The following ADAMTS3 variants were observed in gnomAD, a reference collection of about 807,000 sequenced individuals.
ADAMTS3 encodes the protein A disintegrin and metalloproteinase with thrombospondin motifs 3.
In ADAMTS3, 73 loss-of-function variants were observed where a neutral mutation model predicts 129.0. That is an observed-to-expected ratio of 0.57 (90% CI 0.47 to 0.69). The LOEUF (loss-of-function observed/expected upper bound fraction) is 0.69. ADAMTS3 is among the 30% of genes least tolerant of loss of function. The probability of loss-of-function intolerance (pLI) is 0.00; values close to 1 mark genes in which losing one functional copy is unlikely to be tolerated. For synonymous variants in ADAMTS3, 477 were observed against 510.8 expected (o/e 0.93, Z 0.89); for missense variants, 1,457 against 1,514.5 (o/e 0.96, Z 0.63).
rs1434661217 is a variant in ADAMTS3, at chr4:72,506,601, G to A, written c.504+41877C>T. On this transcript the variant is annotated intron_variant, in intron 3 of 21. Transcript: ENST00000286657. Reference sequence around the variant, plus strand: ...TGCTGTTCTCAGTCCCACATCTAGGGAAATGCTTGCAGCTCTTTCTGGTAT... The same window carrying A: ...TGCTGTTCTCAGTCCCACATCTAGGAAAATGCTTGCAGCTCTTTCTGGTAT... Among the ~76,000 whole-genome samples, 4 of 152,292 alleles carry A rather than the reference G, an allele frequency of 2.6e-5. No individual in the cohort carries two copies. In the East Asian group the frequency reaches 5.8e-4, roughly 22 times the overall value.
chr4:72,373,330 C>T (rs145151308), intron 4 of ADAMTS3, among the ~76,000 whole-genome samples: 8 of 152,088 alleles, frequency 5.3e-5, no homozygotes, highest in Admixed American at 2.0e-4. Context: ...GAGACTGCCA[C>T]GCAGTGGGAA....
intron 5 of ADAMTS3, 139 bp from the exon 6 acceptor site, chr4:72,323,236 A>G (rs1456861555): frequency 3.0e-6 from 2 of 673,944 alleles, no homozygotes; most frequent in African/African-American, 3.6e-5. Flanking sequence ...GAACTCTGAA[A>G]GGTAGTCATT....
rs981387237 is a variant in ADAMTS3 at position 72,282,092 on chromosome 4, G to C, written c.*1044C>G. The C allele has an allele frequency of 6.6e-6, 1 of 152,128 alleles. No individual in the cohort carries two copies. Among genetic ancestry groups the C allele is most frequent in the Non-Finnish European group, 1.5e-5 (1 of 68,006 alleles). The allele number at this position is 152,128 out of a possible 1,614,324, so 9.4% of individuals were successfully genotyped here. A position where few individuals can be genotyped will look rare whatever the true frequency, so the allele number is the denominator to read the frequency against. On this transcript the variant is annotated 3_prime_UTR_variant, in exon 22 of 22. Coordinates refer to ENST00000286657, the MANE Select transcript of ADAMTS3 (RefSeq NM_014243.3). ...TATACTCAAATATCAATTCTAGACT[G>C]ATGATATTTTTCTCAGCTACCAACA...
intron 2 of ADAMTS3, among the ~76,000 whole-genome samples, chr4:72,563,667 G>A (rs1721957798): frequency 6.6e-6 from 1 of 152,136 alleles, no homozygotes. Context: ...TGATAACATT[G>A]AATAATTAAT....
At chr4:72,318,550 A>G (rs747446573) in intron 10 of ADAMTS3, 22 bp downstream of exon 10, 176 of 1,609,608 alleles carry the variant, frequency 1.1e-4, no homozygotes, top group Non-Finnish European at 1.4e-4. Context: ...TGCAAAATCT[A>G]CATCAACTGT....
At chr4:72,530,140 A>ATTATG (rs1560553675) in intron 3 of ADAMTS3, among the ~76,000 whole-genome samples, 1 of 69,180 alleles carries the variant, frequency 1.4e-5, no homozygotes, top group Non-Finnish European at 2.5e-5. Flanking sequence ...TATAATATAT[A>ATTATG]TTATATATTA....
chr4:72,517,333 G>A (rs1358021058), intron 3 of ADAMTS3, among the ~76,000 whole-genome samples: 1 of 152,152 alleles, frequency 6.6e-6, no homozygotes, highest in African/African-American at 2.4e-5. Context: ...TTTGGTATCA[G>A]GATGATGCTG....
chr4:72,364,653 C>G (rs72863704), intron 4 of ADAMTS3, among the ~76,000 whole-genome samples: 1 of 149,924 alleles, frequency 6.7e-6, no homozygotes, highest in African/African-American at 2.4e-5. Flanking sequence ...CATAAGAAAA[C>G]AAATGAAAAA....
Position 72,317,465 on chromosome 4 carries a change from C to T in ADAMTS3, c.1485+1107G>A, listed in dbSNP as rs544472248. 3.0e-5 allele frequency among the ~76,000 whole-genome samples: 4 copies of T among 132,964 alleles called. No individual in the cohort carries two copies. In the East Asian group the frequency reaches 6.7e-4, roughly 22 times the overall value. The allele number at this position is 132,964 out of a possible 152,430, so 87.2% of individuals were successfully genotyped here. A position where few individuals can be genotyped will look rare whatever the true frequency, so the allele number is the denominator to read the frequency against. On this transcript the variant is annotated intron_variant, in intron 10 of 21. Transcript: ENST00000286657. Reference sequence around the variant, plus strand: ...AAGCTTGCTCCAACATAGAAAAAGGCCTTCTTTTTTTTTTTTTTTTAATGA... The same window carrying T: ...AAGCTTGCTCCAACATAGAAAAAGGTCTTCTTTTTTTTTTTTTTTTAATGA...
At position 72,317,173 on chromosome 4, in the gene ADAMTS3, T is replaced by A. The variant is rs1295574997; in HGVS notation, c.1486-1202A>T. On this transcript the variant is annotated intron_variant, in intron 10 of 21. Coordinates refer to ENST00000286657, the MANE Select transcript of ADAMTS3 (RefSeq NM_014243.3). Reference sequence around the variant, plus strand: ...TGCTAATTACCTACATACACCCTTATGTGCATAGAAATTTTTTTATTAGTA... The same window carrying A: ...TGCTAATTACCTACATACACCCTTAAGTGCATAGAAATTTTTTTATTAGTA... Among the ~76,000 whole-genome samples, 6 of 152,338 alleles carry A rather than the reference T, an allele frequency of 3.9e-5. No homozygotes were observed. In the East Asian group the frequency reaches 1.2e-3, roughly 29 times the overall value.
chr4:72,312,500 G>T, intron 12 of ADAMTS3, 34 bp from the exon 13 acceptor site: 1 of 1,606,802 alleles, frequency 6.2e-7, no homozygotes, highest in South Asian at 1.1e-5. Context: ...AAGGCCTTTT[G>T]GCTTCTGTCT....
At chr4:72,361,301 T>C (rs1052343807) in intron 4 of ADAMTS3, among the ~76,000 whole-genome samples, 1 of 152,174 alleles carries the variant, frequency 6.6e-6, no homozygotes, top group Non-Finnish European at 1.5e-5. Context: ...AATGAGATAA[T>C]GTATTACAAA....
At chr4:72,350,045 A>G (rs1217968694) in intron 4 of ADAMTS3, among the ~76,000 whole-genome samples, 1 of 152,082 alleles carries the variant, frequency 6.6e-6, no homozygotes, top group Non-Finnish European at 1.5e-5. Context: ...TTATTAATGG[A>G]ATACTATAAT....
At chr4:72,397,648 G>A (rs926404406) in intron 4 of ADAMTS3, among the ~76,000 whole-genome samples, 1 of 152,094 alleles carries the variant, frequency 6.6e-6, no homozygotes, top group Non-Finnish European at 1.5e-5. Flanking sequence ...GAAAAGGGGA[G>A]AGGAAAACAG....
At chr4:72,529,894 A>AT (rs1326165537) in intron 3 of ADAMTS3, among the ~76,000 whole-genome samples, 1 of 67,332 alleles carries the variant, frequency 1.5e-5, no homozygotes, top group Non-Finnish European at 2.6e-5. Flanking sequence ...TATATTATAT[A>AT]TTATATATAA....
Position 72,438,373 on chromosome 4 carries a change from A to T in ADAMTS3, c.505-23402T>A, listed in dbSNP as rs149261018. Among the ~76,000 whole-genome samples the T allele has an allele frequency of 2.5e-3, 382 of 151,916 alleles. 3 individuals carry two copies. Among genetic ancestry groups the T allele is most frequent in the African/African-American group, 9.0e-3 (372 of 41,514 alleles). On this transcript the variant is annotated intron_variant, in intron 3 of 21. Coordinates refer to ENST00000286657, the MANE Select transcript of ADAMTS3 (RefSeq NM_014243.3). ...TACGTTATGTTAGAAATTAAAACAA[A>T]ATTTTATGAAATATTTAATTCCTTT...
rs34234669 is a variant in ADAMTS3 at position 72,568,818 on chromosome 4, CA to C, written c.-57del. ...GCAAAGCAAATGCCCAGAGCAAACC[CA>C]CCCCCCCCGCCCAAAATAAGTTTCT... On this transcript the variant is annotated 5_prime_UTR_variant, in exon 1 of 22. Transcript: ENST00000286657. 0.24 allele frequency: 262,604 copies of C among 1,107,950 alleles called. 14,382 individuals are homozygous for C. The highest frequency in any genetic ancestry group is 0.37 in the East Asian group (12,246 of 33,268). 68.6% of individuals were successfully genotyped at this position (1,107,950 alleles called of 1,614,324 possible). A position where few individuals can be genotyped will look rare whatever the true frequency, so the allele number is the denominator to read the frequency against.
intron 3 of ADAMTS3, among the ~76,000 whole-genome samples, chr4:72,473,233 T>A (rs1719126701): frequency 6.6e-6 from 1 of 151,984 alleles, no homozygotes; most frequent in Non-Finnish European, 1.5e-5. Context: ...ACTCTGGACC[T>A]TATATATATA....
intron 3 of ADAMTS3, among the ~76,000 whole-genome samples, chr4:72,487,729 C>T (rs1719628768): frequency 6.6e-6 from 1 of 151,998 alleles, no homozygotes; most frequent in Non-Finnish European, 1.5e-5. Flanking sequence ...GTTCTATATG[C>T]TGACAAGCAC....
Sources: gnomAD v4.1 joint callset for allele counts (sites outside exome capture counted in the v4.1 genomes callset) on GRCh38, gnomAD v4.1.1 for gene constraint, MANE v1.5 for transcripts, NCBI Gene and HGNC (gene_info 2026-07-23, HGNC 2026-07-21) for gene names.